The following KIRREL1 variants were observed in gnomAD, a reference collection of about 807,000 sequenced individuals.
The protein encoded by KIRREL1 is kirre like nephrin family adhesion molecule 1, also known as kin of IRRE-like protein 1.
In KIRREL1, 25 loss-of-function variants were observed where a neutral mutation model predicts 83.3. The observed-to-expected ratio is 0.30, with a 90% confidence interval of 0.22 to 0.42. KIRREL1 has a LOEUF of 0.42. KIRREL1 is among the 10% of genes least tolerant of loss of function. The pLI, the probability that KIRREL1 is intolerant of heterozygous loss-of-function variation, is 1.00. For missense variants in KIRREL1, 812 were observed against 1,032.3 expected (o/e 0.79, Z 2.92); for synonymous variants, 388 against 410.4 (o/e 0.95, Z 0.66).
At position 158,095,240 on chromosome 1, in the gene KIRREL1, CA is replaced by C; in HGVS notation, c.*121del. On this transcript the variant is annotated 3_prime_UTR_variant, in exon 15 of 15. Transcript: ENST00000359209. Reference sequence around the variant, plus strand: ...CTCGGACCAGCCTTCTTCCTCCCACCATGGCAGGTGGGGAGCAGGTCTCCCA... The same window carrying C: ...CTCGGACCAGCCTTCTTCCTCCCACCTGGCAGGTGGGGAGCAGGTCTCCCA... 1.3e-6 allele frequency: 1 copy of C among 758,868 alleles called. No homozygotes were observed. The highest frequency in any genetic ancestry group is 2.1e-6 in the Non-Finnish European group (1 of 480,706). 47.0% of individuals were successfully genotyped at this position (758,868 alleles called of 1,614,324 possible).
At chr1:158,087,943 G>T in intron 6 of KIRREL1, 63 bp from the exon 7 acceptor site, 3 of 1,610,110 alleles carry the variant, frequency 1.9e-6, no homozygotes, top group Non-Finnish European at 2.5e-6. Context: ...GAGGCCAGGT[G>T]TCATGGATGT....
Position 158,088,307 on chromosome 1 carries a change from G to A in KIRREL1, c.917-20G>A. 2 of 1,602,844 alleles carry A rather than the reference G, an allele frequency of 1.2e-6. No homozygotes were observed. Among genetic ancestry groups the A allele is most frequent in the Non-Finnish European group, 1.7e-6 (2 of 1,175,770 alleles). On this transcript the variant is annotated intron_variant, in intron 7 of 14. Transcript: ENST00000359209. ...CCATGAGCTTGAGACCCTAACGAGT[G>A]GCTTCTTTCTCCCTCACAGTTGCTC...
intron 1 of KIRREL1, among the ~76,000 whole-genome samples, chr1:158,022,067 T>C (rs987700091): frequency 6.6e-6 from 1 of 151,482 alleles, no homozygotes; most frequent in African/African-American, 2.4e-5. Flanking sequence ...CGGTGGGTAG[T>C]TATTAAAGCT....
At position 158,094,337 on chromosome 1, in the gene KIRREL1, A is replaced by C. The variant is rs1197347941; in HGVS notation, c.1744A>C (p.Lys582Gln). ...YSSFKDDVDL[K>Q]QDLRCDTIDT... is the part of the protein sequence containing the mutation. ...GTCGTTTAAGGATGATGTGGATCTG[A>C]AGCAGGACCTGCGCTGCGACACCAT... The change falls in exon 14 of 15, where the codon AAG becomes CAG. Residue 582 changes from lysine (K) to glutamine (Q), a missense_variant. Lys to Gln is a moderately conservative substitution (Grantham distance 53). Coordinates refer to ENST00000359209, the MANE Select transcript of KIRREL1 (RefSeq NM_018240.7). The surrounding 1 kb of genome is among the most constrained non-coding windows in gnomAD (Gnocchi z 4.6). 2 of 1,602,228 alleles carry C rather than the reference A, an allele frequency of 1.2e-6. No individual in the cohort carries two copies. Among genetic ancestry groups the C allele is most frequent in the Non-Finnish European group, 1.7e-6 (2 of 1,173,012 alleles).
intron 1 of KIRREL1, among the ~76,000 whole-genome samples, chr1:158,056,657 T>C (rs78060345): frequency 0.014 from 2,135 of 152,308 alleles, 61 homozygotes; most frequent in African/African-American, 0.049. Flanking sequence ...ATTCCCCTGC[T>C]TGGAGAGCAG....
intron 1 of KIRREL1, among the ~76,000 whole-genome samples, chr1:158,030,000 T>C (rs1394616094): frequency 6.6e-6 from 1 of 152,250 alleles, no homozygotes; most frequent in African/African-American, 2.4e-5. Flanking sequence ...AGCTACCATT[T>C]CTCTTAACCT....
At chr1:158,041,741 G>A (rs969520471) in intron 1 of KIRREL1, among the ~76,000 whole-genome samples, 10 of 152,176 alleles carry the variant, frequency 6.6e-5, no homozygotes, top group South Asian at 2.1e-4. Context: ...TACTGTGTGC[G>A]TGATGGTGAA....
chr1:157,998,498 G>T (rs1000275875), intron 1 of KIRREL1, among the ~76,000 whole-genome samples: 1 of 152,158 alleles, frequency 6.6e-6, no homozygotes, highest in Non-Finnish European at 1.5e-5. Context: ...AAATAAAAAG[G>T]TTTGTTTCTA....
chr1:158,095,272 AC>A lies in KIRREL1; in HGVS notation c.*156del. Reference sequence around the variant, plus strand: ...GGTGGGGAGCAGGTCTCCCAGAAACACCCCGTCCCGAGGATGGTGCTCTGTG... The same window carrying A: ...GGTGGGGAGCAGGTCTCCCAGAAACACCCGTCCCGAGGATGGTGCTCTGTG... On this transcript the variant is annotated 3_prime_UTR_variant, in exon 15 of 15. Coordinates refer to ENST00000359209, the MANE Select transcript of KIRREL1 (RefSeq NM_018240.7). The A allele has an allele frequency of 1.6e-6, 1 of 619,598 alleles. No homozygotes were observed. Among genetic ancestry groups the A allele is most frequent in the Non-Finnish European group, 2.8e-6 (1 of 359,456 alleles). 38.4% of individuals were successfully genotyped at this position (619,598 alleles called of 1,614,324 possible). A position where few individuals can be genotyped will look rare whatever the true frequency, so the allele number is the denominator to read the frequency against.
intron 1 of KIRREL1, among the ~76,000 whole-genome samples, chr1:158,047,752 G>A (rs1006861390): frequency 2.6e-5 from 4 of 152,116 alleles, no homozygotes; most frequent in African/African-American, 9.7e-5. Context: ...CCCGGTTCAT[G>A]AGTCCCTGGT....
chr1:158,030,272 G>A (rs552125742), intron 1 of KIRREL1, among the ~76,000 whole-genome samples: 1 of 152,336 alleles, frequency 6.6e-6, no homozygotes, highest in South Asian at 2.1e-4. Context: ...ACTCTTTTGA[G>A]AATCTTATGG....
At chr1:158,043,974 G>A (rs1242062659) in intron 1 of KIRREL1, among the ~76,000 whole-genome samples, 2 of 152,316 alleles carry the variant, frequency 1.3e-5, no homozygotes, top group East Asian at 3.9e-4. Context: ...GTTAATAATA[G>A]GTATCTTAAT....
chr1:158,008,163 G>T (rs1250461126), intron 1 of KIRREL1, among the ~76,000 whole-genome samples: 1 of 152,124 alleles, frequency 6.6e-6, no homozygotes, highest in South Asian at 2.1e-4. Context: ...AGCGAGGGGG[G>T]TGGGGAGGAA....
intron 1 of KIRREL1, among the ~76,000 whole-genome samples, chr1:158,048,803 G>A (rs1166279470): frequency 2.0e-5 from 3 of 152,190 alleles, no homozygotes; most frequent in African/African-American, 7.2e-5. Flanking sequence ...CCAGCTGAGG[G>A]GAAATTGCGA....
chr1:157,999,145 C>A lies in KIRREL1; in HGVS notation c.52+5417C>A, dbSNP rs560277405. On this transcript the variant is annotated intron_variant, in intron 1 of 14. Transcript: ENST00000359209. ...TCCTGGTGCCTCACTCAGCTCAGCC[C>A]CCTTCCCTAGTTCTCAGCCCAGAAA... is the stretch of plus-strand genomic sequence containing the variant. Among the ~76,000 whole-genome samples the A allele has an allele frequency of 4.6e-5, 7 of 152,284 alleles. No homozygotes were observed. In the South Asian group the frequency reaches 1.5e-3, roughly 32 times the overall value.
At chr1:158,007,481 G>A (rs147711216) in intron 1 of KIRREL1, among the ~76,000 whole-genome samples, 32 of 152,254 alleles carry the variant, frequency 2.1e-4, no homozygotes, top group East Asian at 7.7e-4. Context: ...TGAGAGCTGC[G>A]GTATGGCTTT....
At chr1:158,091,143 G>A (rs1662184258) in intron 10 of KIRREL1, among the ~76,000 whole-genome samples, 1 of 152,180 alleles carries the variant, frequency 6.6e-6, no homozygotes, top group African/African-American at 2.4e-5. Flanking sequence ...GCCATGCTTG[G>A]GAGCCACTGC....
intron 1 of KIRREL1, among the ~76,000 whole-genome samples, chr1:158,057,077 G>A (rs1477261062): frequency 1.3e-5 from 2 of 152,162 alleles, no homozygotes; most frequent in East Asian, 3.9e-4. Context: ...TGAAGTGCCT[G>A]TTGTGTGCCA....
At chr1:158,012,782 G>A (rs747276067) in intron 1 of KIRREL1, among the ~76,000 whole-genome samples, 75 of 152,216 alleles carry the variant, frequency 4.9e-4, no homozygotes, top group Non-Finnish European at 8.4e-4. Flanking sequence ...TAGTGCATGG[G>A]CACTCAACAA....
Sources: allele counts gnomAD v4.1 joint callset (sites outside exome capture counted in the v4.1 genomes callset), GRCh38; gene constraint gnomAD v4.1.1; non-coding constraint Gnocchi (gnomAD v3.1); transcripts MANE v1.5; gene names NCBI Gene and HGNC (gene_info 2026-07-23, HGNC 2026-07-21).